Variants in RUFY1 observed in about 807,000 individuals in gnomAD.
RUFY1 encodes RUN and FYVE domain-containing protein 1.
Under a neutral mutation model 94.6 loss-of-function variants are expected in RUFY1, and 54 were observed. That is an observed-to-expected ratio of 0.57 (90% CI 0.46 to 0.72). RUFY1 has a LOEUF of 0.72. RUFY1 is among the 30% of genes least tolerant of loss of function. The pLI is 0.00. For synonymous variants in RUFY1, 396 were observed against 347.3 expected, an observed-to-expected ratio of 1.14 and a Z score of -1.56; for missense variants, 883 against 883.9, an observed-to-expected ratio of 1.00 and a Z score of 0.01.
chr5:179,559,160 C>A (rs556641196), intron 1 of RUFY1, among the ~76,000 whole-genome samples: 28 of 152,316 alleles, frequency 1.8e-4, no homozygotes, highest in Admixed American at 1.2e-3. Context: ...CCTGCCAGGA[C>A]TCTTACTTTG....
At chr5:179,551,945 C>T (rs1761876527) in intron 1 of RUFY1, among the ~76,000 whole-genome samples, 1 of 151,522 alleles carries the variant, frequency 6.6e-6, no homozygotes, top group African/African-American at 2.4e-5. Context: ...GCGGGTGGAT[C>T]ACGAGGTCAA....
intron 5 of RUFY1, among the ~76,000 whole-genome samples, chr5:179,573,755 A>G (rs915598863): frequency 2.6e-5 from 4 of 151,900 alleles, no homozygotes; most frequent in African/African-American, 9.7e-5. Flanking sequence ...AACTCCTGAC[A>G]TCGTGATCTG....
intron 6 of RUFY1, among the ~76,000 whole-genome samples, chr5:179,579,456 A>G (rs1273857485): frequency 1.3e-5 from 2 of 150,928 alleles, no homozygotes; most frequent in Non-Finnish European, 1.5e-5. Flanking sequence ...TCAGCCTCCC[A>G]AGTAGCTGAG....
In RUFY1 at chr5:179,609,381, C is replaced by A; in HGVS notation, c.1989C>A (p.His663Gln). Residue 663 changes from histidine to glutamine, a missense_variant, in exon 18 of 18, where the codon CAC becomes CAA. Transcript: ENST00000319449. ...GCCTTCTTCCCGTCCTGTAGCACCA[C>A]TGCCGGAACTGTGGCCACATCTTCT... is the stretch of plus-strand genomic sequence containing the variant. ...KEFSISRRKHHCRNCGHIFCN... is the reference protein window; with the variant it reads ...KEFSISRRKHQCRNCGHIFCN... The A allele has an allele frequency of 6.2e-7, 1 of 1,613,408 alleles. No individual in the cohort carries two copies. Among genetic ancestry groups the A allele is most frequent in the Non-Finnish European group, 8.5e-7 (1 of 1,179,912 alleles).
intron 7 of RUFY1, among the ~76,000 whole-genome samples, chr5:179,585,298 G>A (rs904671702): frequency 2.6e-5 from 4 of 152,100 alleles, no homozygotes; most frequent in Admixed American, 6.6e-5. Context: ...GAAATAGGCC[G>A]GGCACAGTGG....
At chr5:179,596,758 T>G in intron 13 of RUFY1, 77 bp downstream of exon 13, 1 of 668,350 alleles carries the variant, frequency 1.5e-6, no homozygotes, top group Non-Finnish European at 1.9e-6. Context: ...GGTGGTATCC[T>G]GCTTCAGCAC....
rs1285396695 is a variant in RUFY1 at position 179,609,782 on chromosome 5, G to T, written c.*263G>T. 1 of 391,824 alleles carries T rather than the reference G, an allele frequency of 2.6e-6. No homozygotes were observed. Among genetic ancestry groups the T allele is most frequent in the Non-Finnish European group, 4.5e-6 (1 of 219,930 alleles). 24.3% of individuals were successfully genotyped at this position (391,824 alleles called of 1,614,324 possible). ...GGTTCAGATACAACTTCATGATTTT[G>T]CTACTATCATTTTTCACTTTTCAAA... On this transcript the variant is annotated 3_prime_UTR_variant, in exon 18 of 18. Transcript: ENST00000319449.
chr5:179,578,768 C>T (rs1763859210), intron 6 of RUFY1, among the ~76,000 whole-genome samples: 2 of 152,006 alleles, frequency 1.3e-5, no homozygotes, highest in African/African-American at 4.8e-5. Context: ...CTCAACCTTC[C>T]TGAGTAGCTG....
In RUFY1 at chr5:179,593,661, G is replaced by A; in HGVS notation, c.1413+16G>A. 1 of 1,611,564 alleles carries A rather than the reference G, an allele frequency of 6.2e-7. No homozygotes were observed. The highest frequency in any genetic ancestry group is 8.5e-7 in the Non-Finnish European group (1 of 1,178,248). Reference sequence around the variant, plus strand: ...CAAAGCTCAGGTGGGAGTTGGCTTTGTGTCCATGGCACAGCCTGGTTTCTG... The same window carrying A: ...CAAAGCTCAGGTGGGAGTTGGCTTTATGTCCATGGCACAGCCTGGTTTCTG... On this transcript the variant is annotated intron_variant, in intron 11 of 17. Coordinates refer to ENST00000319449, the MANE Select transcript of RUFY1 (RefSeq NM_025158.5).
chr5:179,570,975 T>C (rs1293142123), intron 5 of RUFY1, among the ~76,000 whole-genome samples: 8 of 151,462 alleles, frequency 5.3e-5, no homozygotes, highest in Admixed American at 5.2e-4. Context: ...TGTGTGTATA[T>C]GTTTGTGTAT....
chr5:179,559,161 TCTTA>T (rs1291846301), intron 1 of RUFY1, among the ~76,000 whole-genome samples: 3 of 152,224 alleles, frequency 2.0e-5, no homozygotes, highest in South Asian at 4.1e-4. Context: ...CTGCCAGGAC[TCTTA>T]CTTTGGGATC....
chr5:179,550,580 G>T lies in RUFY1; in HGVS notation c.11G>T (p.Arg4Leu). The change falls in exon 1 of 18, where the codon CGG becomes CTG. Residue 4 changes from arginine (R) to leucine (L), a missense_variant. Physicochemically the swap from Arg to Leu is moderately radical, Grantham distance 102. Transcript: ENST00000319449. MAD[R>L]EGGCAAGRGR... ...CATGACACGGCCAAGATGGCCGACC[G>T]GGAAGGCGGCTGCGCTGCTGGGCGG... 3 of 1,104,864 alleles carry T rather than the reference G, an allele frequency of 2.7e-6. No homozygotes were observed. Among genetic ancestry groups the T allele is most frequent in the Non-Finnish European group, 3.4e-6 (3 of 891,640 alleles). The allele number at this position is 1,104,864 out of a possible 1,614,324, so 68.4% of individuals were successfully genotyped here.
At chr5:179,560,263 A>G (rs1410536407) in intron 2 of RUFY1, 65 bp downstream of exon 2, 37 of 1,556,270 alleles carry the variant, frequency 2.4e-5, no homozygotes, top group Non-Finnish European at 3.1e-5. Flanking sequence ...GCATTTTTTC[A>G]TCAGCGCCAG....
intron 7 of RUFY1, among the ~76,000 whole-genome samples, chr5:179,584,647 G>A (rs1377486989): frequency 2.6e-5 from 4 of 151,868 alleles, no homozygotes; most frequent in Non-Finnish European, 5.9e-5. Flanking sequence ...GCTGGGCCTG[G>A]TGGCAAGGTG....
At chr5:179,592,268 C>T (rs182241100) in intron 10 of RUFY1, among the ~76,000 whole-genome samples, 3 of 152,272 alleles carry the variant, frequency 2.0e-5, no homozygotes, top group African/African-American at 2.4e-5. Context: ...TACAGGCATA[C>T]GCCACCATGC....
chr5:179,555,721 A>G (rs1471421944), intron 1 of RUFY1: 6 of 370,428 alleles, frequency 1.6e-5, no homozygotes, highest in Admixed American at 3.2e-5. Flanking sequence ...TCCGCCTCCC[A>G]GGTTCAAGCG....
intron 1 of RUFY1, among the ~76,000 whole-genome samples, chr5:179,553,911 G>A (rs1761981276): frequency 6.6e-6 from 1 of 152,226 alleles, no homozygotes; most frequent in African/African-American, 2.4e-5. Context: ...CCATGAGGCT[G>A]GTCCCAAAGG....
At chr5:179,601,617 G>A (rs551733178) in intron 14 of RUFY1, among the ~76,000 whole-genome samples, 3 of 150,932 alleles carry the variant, frequency 2.0e-5, no homozygotes, top group Non-Finnish European at 4.4e-5. Context: ...TCAGGAGTTT[G>A]AGACCATCCT....
chr5:179,550,585 G>A lies in RUFY1; in HGVS notation c.16G>A (p.Gly6Ser), dbSNP rs1043894584. 35 of 1,150,202 alleles carry A rather than the reference G, an allele frequency of 3.0e-5. No homozygotes were observed. The highest frequency in any genetic ancestry group is 1.6e-4 in the African/African-American group (4 of 25,070). The allele number at this position is 1,150,202 out of a possible 1,614,324, so 71.2% of individuals were successfully genotyped here. A position where few individuals can be genotyped will look rare whatever the true frequency, so the allele number is the denominator to read the frequency against. Residue 6 changes from glycine to serine, a missense_variant, in exon 1 of 18, where the codon GGC (glycine) becomes AGC (serine). Coordinates refer to ENST00000319449, the MANE Select transcript of RUFY1 (RefSeq NM_025158.5). ...CACGGCCAAGATGGCCGACCGGGAA[G>A]GCGGCTGCGCTGCTGGGCGGGGGCG... MADREGGCAAGRGREL... is the reference protein window; with the variant it reads MADRESGCAAGRGREL...
Sources: allele counts gnomAD v4.1 joint callset (sites outside exome capture counted in the v4.1 genomes callset), GRCh38; gene constraint gnomAD v4.1.1; transcripts MANE v1.5; gene names NCBI Gene and HGNC (gene_info 2026-07-23, HGNC 2026-07-21).